The following TAFA4 variants were observed in gnomAD, a reference collection of about 807,000 sequenced individuals.
TAFA4 encodes chemokine-like protein TAFA-4.
In TAFA4, 20 loss-of-function variants were observed where a neutral mutation model predicts 21.1. The ratio of observed to expected loss-of-function variants is 0.95; its 90% CI spans 0.67 to 1.38. TAFA4 has a LOEUF of 1.38. Ranked by LOEUF, TAFA4 falls within the 40% of genes most tolerant of loss-of-function variation. The pLI, the probability that TAFA4 is intolerant of heterozygous loss-of-function variation, is 0.00. For missense variants in TAFA4, 211 were observed against 180.9 expected (o/e 1.17, Z -0.95); for synonymous variants, 71 against 67.4 (o/e 1.05, Z -0.26).
chr3:68,841,887 T>G (rs1704674558), intron 3 of TAFA4, among the ~76,000 whole-genome samples: 1 of 152,256 alleles, frequency 6.6e-6, no homozygotes, highest in Admixed American at 6.5e-5. Flanking sequence ...CATCCATTTT[T>G]ATGGCTGCAT....
chr3:68,845,645 A>G (rs1704771649), intron 3 of TAFA4, among the ~76,000 whole-genome samples: 1 of 152,196 alleles, frequency 6.6e-6, no homozygotes, highest in Non-Finnish European at 1.5e-5. Context: ...ATGTTTATGC[A>G]GCGGCTGGTA....
At chr3:68,897,255 T>G (rs1267582921) in intron 1 of TAFA4, among the ~76,000 whole-genome samples, 5 of 152,170 alleles carry the variant, frequency 3.3e-5, no homozygotes, top group African/African-American at 7.2e-5. Context: ...GACAGCCAAA[T>G]TTATAGTTCA....
intron 4 of TAFA4, among the ~76,000 whole-genome samples, chr3:68,747,076 T>G (rs1702473263): frequency 6.6e-6 from 1 of 152,178 alleles, no homozygotes; most frequent in Non-Finnish European, 1.5e-5. Flanking sequence ...GCATACTAAC[T>G]CAAAACGAGA....
At chr3:68,749,620 T>C (rs1191770872) in intron 4 of TAFA4, among the ~76,000 whole-genome samples, 1 of 152,222 alleles carries the variant, frequency 6.6e-6, no homozygotes, top group Non-Finnish European at 1.5e-5. Flanking sequence ...TTAAACTTCC[T>C]ACACTTCTCA....
Position 68,739,072 on chromosome 3 carries a change from T to G in TAFA4, c.411+3A>C, listed in dbSNP as rs769938337. The G allele has an allele frequency of 2.5e-6, 4 of 1,613,466 alleles. No individual in the cohort carries two copies. Among genetic ancestry groups the G allele is most frequent in the Non-Finnish European group, 3.4e-6 (4 of 1,179,734 alleles). On this transcript the variant is annotated splice_donor_region_variant and intron_variant, in intron 5 of 5. Coordinates refer to ENST00000295569, the MANE Select transcript of TAFA4 (RefSeq NM_182522.5). ...ATTGTAGTTGCATTTTGTCTATACT[T>G]GCCTTCGTAGTTTTGACTTTATTGC... is the stretch of plus-strand genomic sequence containing the variant.
chr3:68,762,705 C>A (rs1029877490), intron 3 of TAFA4, among the ~76,000 whole-genome samples: 2 of 152,164 alleles, frequency 1.3e-5, no homozygotes, highest in African/African-American at 4.8e-5. Context: ...TCCTATGATG[C>A]AAATATTACA....
At chr3:68,897,084 T>C (rs2089798201) in intron 1 of TAFA4, among the ~76,000 whole-genome samples, 1 of 151,858 alleles carries the variant, frequency 6.6e-6, no homozygotes. Context: ...TGTATTTTAG[T>C]AGAGATGGGG....
At chr3:68,832,615 T>C (rs1704426699) in intron 3 of TAFA4, among the ~76,000 whole-genome samples, 1 of 152,126 alleles carries the variant, frequency 6.6e-6, no homozygotes, top group Non-Finnish European at 1.5e-5. Flanking sequence ...TTGGGAGGTG[T>C]CTCCCAGTCA....
At chr3:68,801,326 T>C (rs1686223457) in intron 3 of TAFA4, among the ~76,000 whole-genome samples, 1 of 152,232 alleles carries the variant, frequency 6.6e-6, no homozygotes, top group Non-Finnish European at 1.5e-5. Flanking sequence ...CTGGCCATCA[T>C]AGCTTTGAAC....
intron 3 of TAFA4, among the ~76,000 whole-genome samples, chr3:68,814,671 A>G (rs1361085395): frequency 6.6e-6 from 1 of 152,240 alleles, no homozygotes; most frequent in Non-Finnish European, 1.5e-5. Context: ...AGAGGATACA[A>G]ACACATGGAA....
intron 1 of TAFA4, among the ~76,000 whole-genome samples, chr3:68,917,604 AT>A (rs1361907324): frequency 1.3e-5 from 2 of 151,976 alleles, no homozygotes; most frequent in African/African-American, 4.8e-5. Flanking sequence ...AATACAAAAA[AT>A]TAGCCGGGCG....
chr3:68,778,778 G>A (rs1287274989), intron 3 of TAFA4, among the ~76,000 whole-genome samples: 1 of 152,176 alleles, frequency 6.6e-6, no homozygotes, highest in East Asian at 1.9e-4. Context: ...AAATTGCCCA[G>A]TCTCAGGTAT....
At chr3:68,847,179 A>G (rs565338318) in intron 3 of TAFA4, among the ~76,000 whole-genome samples, 1 of 152,314 alleles carries the variant, frequency 6.6e-6, no homozygotes, top group South Asian at 2.1e-4. Flanking sequence ...TAAGCCCCTG[A>G]CTTGGTCTGC....
chr3:68,787,207 T>C lies in TAFA4; in HGVS notation c.131-34189A>G, dbSNP rs77080938. 3.3e-5 allele frequency among the ~76,000 whole-genome samples: 5 copies of C among 152,300 alleles called. No homozygotes were observed. In the East Asian group the frequency reaches 9.6e-4, roughly 29 times the overall value. On this transcript the variant is annotated intron_variant, in intron 3 of 5. Transcript: ENST00000295569. ...AGGTGTTTGCAGGTATCAATAAAGC[T>C]AATGTTAAGGGGAAACAGAAAAACA...
At chr3:68,858,611 T>TGTGTGTGC (rs1705126616) in intron 3 of TAFA4, among the ~76,000 whole-genome samples, 1 of 151,092 alleles carries the variant, frequency 6.6e-6, no homozygotes, top group Non-Finnish European at 1.5e-5. Flanking sequence ...TGTGTGTGTG[T>TGTGTGTGC]CTTTAAGGCG....
intron 3 of TAFA4, among the ~76,000 whole-genome samples, chr3:68,815,118 A>G (rs1703939891): frequency 6.6e-6 from 1 of 152,270 alleles, no homozygotes. Flanking sequence ...CATATGTAGA[A>G]AGCTGAAACT....
chr3:68,769,387 A>T (rs1473117157), intron 3 of TAFA4, among the ~76,000 whole-genome samples: 2 of 152,210 alleles, frequency 1.3e-5, no homozygotes, highest in Non-Finnish European at 2.9e-5. Context: ...AAAGTGCACA[A>T]TAAATGTAAT....
chr3:68,925,454 AT>A (rs921870296), intron 1 of TAFA4, among the ~76,000 whole-genome samples: 1 of 152,102 alleles, frequency 6.6e-6, no homozygotes, highest in Non-Finnish European at 1.5e-5. Flanking sequence ...CACCCCAGTA[AT>A]TTTTTCTTTG....
chr3:68,737,509 A>G (rs1171507107), intron 5 of TAFA4, among the ~76,000 whole-genome samples: 1 of 152,148 alleles, frequency 6.6e-6, no homozygotes, highest in Non-Finnish European at 1.5e-5. Flanking sequence ...ACCGCAATTC[A>G]CGTTGAAAAT....
Sources: allele counts gnomAD v4.1 joint callset (sites outside exome capture counted in the v4.1 genomes callset), GRCh38; gene constraint gnomAD v4.1.1; transcripts MANE v1.5; gene names NCBI Gene and HGNC (gene_info 2026-07-23, HGNC 2026-07-21).